The following HELQ variants were observed in gnomAD, a reference collection of about 807,000 sequenced individuals.
The protein encoded by HELQ is helicase, POLQ like, also known as helicase POLQ-like.
HELQ carries 77 observed loss-of-function variants against 111.6 expected under a neutral mutation model. The observed-to-expected ratio is 0.69, with a 90% CI of 0.57 to 0.83. HELQ has a LOEUF of 0.83. Ranked by LOEUF, HELQ falls within the 40% of genes least tolerant of loss-of-function variation. HELQ has a pLI of 0.00. For missense variants in HELQ, 1,200 were observed against 1,288.5 expected (o/e 0.93, Z 1.05); for synonymous variants, 438 against 454.7 (o/e 0.96, Z 0.47).
intron 7 of HELQ, 32 bp downstream of exon 7, chr4:83,441,273 G>A (rs1217789906): frequency 8.1e-7 from 1 of 1,229,024 alleles, no homozygotes; most frequent in Non-Finnish European, 1.2e-6. Context: ...ACAAAGTCTG[G>A]TAACCTGGAA....
chr4:83,448,440 C>T (rs1188780314), intron 3 of HELQ, among the ~76,000 whole-genome samples: 2 of 151,958 alleles, frequency 1.3e-5, no homozygotes, highest in African/African-American at 2.4e-5. Context: ...GAGGCTGAGG[C>T]GGGTGGATCA....
chr4:83,441,143 A>G (rs767123773), intron 7 of HELQ, among the ~76,000 whole-genome samples, 162 bp downstream of exon 7: 21 of 152,368 alleles, frequency 1.4e-4, no homozygotes, highest in Middle Eastern at 3.4e-3. Flanking sequence ...GAAACTGGAA[A>G]CGAGCTATCT....
At chr4:83,450,210 T>C (rs972145007) in intron 2 of HELQ, among the ~76,000 whole-genome samples, 1 of 100,726 alleles carries the variant, frequency 9.9e-6, no homozygotes, top group Non-Finnish European at 1.9e-5. Context: ...ATGTTCAATA[T>C]ACAGTTAAGT....
chr4:83,449,771 C>A (rs910934307), intron 2 of HELQ, among the ~76,000 whole-genome samples: 1 of 151,358 alleles, frequency 6.6e-6, no homozygotes, highest in East Asian at 1.9e-4. Context: ...CAATAAGCAG[C>A]AGAAATGCAA....
Position 83,431,756 on chromosome 4 carries a change from T to C in HELQ, c.2203A>G (p.Ile735Val). 1 of 1,490,650 alleles carries C rather than the reference T, an allele frequency of 6.7e-7. No individual in the cohort carries two copies. The highest frequency in any genetic ancestry group is 9.1e-7 in the Non-Finnish European group (1 of 1,101,494). The allele number at this position is 1,490,650 out of a possible 1,614,324, so 92.3% of individuals were successfully genotyped here. The change falls in exon 11 of 18, where the codon ATA becomes GTA. Residue 735 changes from isoleucine (I) to valine (V), a missense_variant. By Grantham distance (29) the Ile-to-Val change is conservative (BLOSUM62 3). Coordinates refer to ENST00000295488, the MANE Select transcript of HELQ (RefSeq NM_133636.5). ...EKDKQQVLEL[I>V]TKPLENCYSH... ...TAACAGTTTTCCAATGGTTTAGTTA[T>C]TAACTCCAATACCTATAAAGGTTAA...
intron 13 of HELQ, among the ~76,000 whole-genome samples, chr4:83,426,616 T>G (rs1411802556): frequency 6.6e-6 from 1 of 151,562 alleles, no homozygotes; most frequent in African/African-American, 2.4e-5. Context: ...CAGGCTGGAG[T>G]GCAGTGGCAT....
At chr4:83,443,079 A>G (rs1164945824) in intron 6 of HELQ, among the ~76,000 whole-genome samples, 1 of 152,162 alleles carries the variant, frequency 6.6e-6, no homozygotes, top group Non-Finnish European at 1.5e-5. Context: ...ATCCATGTGA[A>G]GCCTTAACTT....
rs989665442 is a variant in HELQ, at chr4:83,455,714, T to C, written c.-21A>G. The C allele has an allele frequency of 6.9e-6, 11 of 1,590,428 alleles. No homozygotes were observed. The highest frequency in any genetic ancestry group is 1.4e-5 in the African/African-American group (1 of 69,690). ...TCCATGGCAAGGACCCAGGGCCCTA[T>C]TCAGACGTCGTTCTCAGTGACCCAG... On this transcript the variant is annotated 5_prime_UTR_variant, in exon 1 of 18. Transcript: ENST00000295488.
intron 1 of HELQ, chr4:83,455,190 T>C: frequency 9.7e-7 from 1 of 1,031,058 alleles, no homozygotes; most frequent in Non-Finnish European, 1.4e-6. Flanking sequence ...GCCACTTAAC[T>C]GCTGCGTGCA....
intron 11 of HELQ, among the ~76,000 whole-genome samples, chr4:83,430,707 A>C (rs1342651561): frequency 6.6e-6 from 1 of 152,216 alleles, no homozygotes; most frequent in Non-Finnish European, 1.5e-5. Flanking sequence ...TGGAGCACAG[A>C]CATTTTCTAT....
intron 17 of HELQ, 96 bp from the exon 18 acceptor site, chr4:83,407,656 C>T (rs951785512): frequency 1.4e-6 from 1 of 708,518 alleles, no homozygotes; most frequent in Non-Finnish European, 2.5e-6. Flanking sequence ...AATCCTTACA[C>T]ATCAGAAATC....
intron 9 of HELQ, among the ~76,000 whole-genome samples, chr4:83,435,230 T>C (rs1720385702): frequency 6.6e-6 from 1 of 152,148 alleles, no homozygotes; most frequent in Admixed American, 6.5e-5. Flanking sequence ...ATCAAGTCAA[T>C]GCATGTAAAG....
At chr4:83,445,107 C>T (rs1720983737) in intron 5 of HELQ, among the ~76,000 whole-genome samples, 1 of 152,074 alleles carries the variant, frequency 6.6e-6, no homozygotes, top group East Asian at 1.9e-4. Flanking sequence ...TATGTAGGAC[C>T]CTGGCTTGGC....
At chr4:83,409,652 A>T (rs537912823) in intron 17 of HELQ, among the ~76,000 whole-genome samples, 7 of 152,226 alleles carry the variant, frequency 4.6e-5, no homozygotes, top group Non-Finnish European at 1.0e-4. Flanking sequence ...AAAAACTGTA[A>T]CACAACACTC....
In HELQ at chr4:83,450,222, TAAAAAAA is replaced by T. The variant is rs71668650; in HGVS notation, c.1013-1268_1013-1262del. Among the ~76,000 whole-genome samples, 75 of 45,608 alleles carry T rather than the reference TAAAAAAA, an allele frequency of 1.6e-3. 4 individuals are homozygous for T. Among genetic ancestry groups the T allele is most frequent in the African/African-American group, 3.1e-3 (63 of 20,470 alleles). 29.9% of individuals were successfully genotyped at this position (45,608 alleles called of 152,430 possible). ...TGTATGTTCAATATACAGTTAAGTT[TAAAAAAA>T]AAAAAAAAAAAAAAAAAAAAAAAAA... is the stretch of plus-strand genomic sequence containing the variant. On this transcript the variant is annotated intron_variant, in intron 2 of 17. Transcript: ENST00000295488.
intron 13 of HELQ, among the ~76,000 whole-genome samples, chr4:83,426,844 G>C (rs1719877770): frequency 6.6e-6 from 1 of 152,180 alleles, no homozygotes. Flanking sequence ...GGGATTACAG[G>C]CATGAGCCAC....
intron 17 of HELQ, among the ~76,000 whole-genome samples, chr4:83,411,713 G>A (rs980621955): frequency 3.3e-5 from 5 of 151,908 alleles, no homozygotes; most frequent in South Asian, 2.1e-4. Context: ...CATGATCATA[G>A]CTGATTGCAG....
Position 83,446,725 on chromosome 4 carries a change from A to C in HELQ, c.1392+110T>G, listed in dbSNP as rs374974651. On this transcript the variant is annotated intron_variant, in intron 4 of 17. Transcript: ENST00000295488. ...CCTATATTGTCTATATTTTCAAATAAATTTATTTTTATAGAGGTACTAAGG... is the reference window on the plus strand; with the variant it reads ...CCTATATTGTCTATATTTTCAAATACATTTATTTTTATAGAGGTACTAAGG... The C allele has an allele frequency of 3.6e-5, 23 of 634,618 alleles. 1 individual carries two copies. In the Admixed American group the frequency reaches 3.7e-4, roughly 10 times the overall value. 39.3% of individuals were successfully genotyped at this position (634,618 alleles called of 1,614,324 possible). A position where few individuals can be genotyped will look rare whatever the true frequency, so the allele number is the denominator to read the frequency against.
At chr4:83,440,056 C>T (rs745974705) in intron 7 of HELQ, 48 bp from the exon 8 acceptor site, 7 of 1,474,106 alleles carry the variant, frequency 4.7e-6, no homozygotes, top group Non-Finnish European at 6.5e-6. Context: ...AAACATGAAA[C>T]CCTGTCAATT....
Sources: allele counts gnomAD v4.1 joint callset (sites outside exome capture counted in the v4.1 genomes callset), GRCh38; gene constraint gnomAD v4.1.1; transcripts MANE v1.5; gene names NCBI Gene and HGNC (gene_info 2026-07-23, HGNC 2026-07-21).